Variants in UNC13B observed in about 807,000 individuals in gnomAD.
UNC13B encodes the protein protein unc-13 homolog B.
A neutral mutation model predicts 211.0 loss-of-function variants in UNC13B; 144 were observed. The ratio of observed to expected loss-of-function variants is 0.68; its 90% confidence interval spans 0.60 to 0.78. UNC13B has a LOEUF of 0.78. UNC13B is among the 30% of genes least tolerant of loss of function. UNC13B has a pLI of 0.00. For missense variants in UNC13B, 1,777 were observed against 2,002.0 expected (o/e 0.89, Z 2.14); for synonymous variants, 709 against 725.8 (o/e 0.98, Z 0.37).
chr9:35,398,592 G>A lies in UNC13B; in HGVS notation c.11871G>A (p.Gln3957=), dbSNP rs764864737. 4 of 1,614,088 alleles carry A rather than the reference G, an allele frequency of 2.5e-6. No homozygotes were observed. In the East Asian group the frequency reaches 8.9e-5, roughly 36 times the overall value. ...CTGCAGACAGTCTGAAGGAGCTGCA[G>A]GTGAAACTGAATACGGTTCTGGATG... The part of the protein sequence containing the change: ...LEAADSLKEL[Q]VKLNTVLDEL... Residue 3957 remains glutamine (Q), a synonymous_variant, in exon 32 of 40, where the codon CAG becomes CAA. Transcript: ENST00000635942.
intron 7 of UNC13B, among the ~76,000 whole-genome samples, chr9:35,278,163 CTTG>C (rs1223529020): frequency 1.4e-4 from 21 of 152,278 alleles, no homozygotes; most frequent in Admixed American, 5.2e-4. Context: ...AATGAATCCT[CTTG>C]TTGTTGTTGG....
chr9:35,292,604 T>C (rs994113309), intron 7 of UNC13B, among the ~76,000 whole-genome samples: 1 of 152,258 alleles, frequency 6.6e-6, no homozygotes, highest in African/African-American at 2.4e-5. Flanking sequence ...TGGTTTGTAC[T>C]AACTGCCTTG....
chr9:35,391,625 G>C (rs990432945), intron 26 of UNC13B, among the ~76,000 whole-genome samples: 3 of 152,246 alleles, frequency 2.0e-5, no homozygotes, highest in Non-Finnish European at 4.4e-5. Flanking sequence ...GCTGCCTGCT[G>C]TCAGGCCAGG....
intron 1 of UNC13B, among the ~76,000 whole-genome samples, chr9:35,168,011 T>G (rs989657950): frequency 4.0e-5 from 6 of 151,844 alleles, no homozygotes; most frequent in African/African-American, 1.5e-4. Context: ...CTCAAACTCC[T>G]GGGCTCAATC....
At chr9:35,266,989 A>G (rs1827616173) in intron 7 of UNC13B, among the ~76,000 whole-genome samples, 1 of 152,208 alleles carries the variant, frequency 6.6e-6, no homozygotes, top group South Asian at 2.1e-4. Context: ...GAGAGGGAGC[A>G]GAGTTTCACC....
intron 7 of UNC13B, 79 bp downstream of exon 7, chr9:35,259,129 G>T (rs908184718): frequency 3.4e-6 from 5 of 1,467,130 alleles, no homozygotes; most frequent in Non-Finnish European, 4.7e-6. Flanking sequence ...ATTCTGAGCT[G>T]GGGAGGGTGG....
chr9:35,305,561 G>A lies in UNC13B; in HGVS notation c.6157G>A (p.Asp2053Asn), dbSNP rs1049113724. ...VRRLNKQTTI[D>N]DSRLEESTRG... Reference sequence around the variant, plus strand: ...AAGACTGAACAAACAGACTACTATCGATGACAGTAGGTTAGAGGAATCAAC... The same window carrying A: ...AAGACTGAACAAACAGACTACTATCAATGACAGTAGGTTAGAGGAATCAAC... The change falls in exon 9 of 40, where the codon GAT (aspartate) becomes AAT (asparagine). Residue 2053 changes from aspartate (D) to asparagine (N), a missense_variant. Coordinates refer to ENST00000635942, the MANE Select transcript of UNC13B (RefSeq NM_001371189.2). 1.8e-5 allele frequency: 7 copies of A among 398,800 alleles called. No individual in the cohort carries two copies. The highest frequency in any genetic ancestry group is 7.1e-5 in the East Asian group (2 of 28,080). 24.7% of individuals were successfully genotyped at this position (398,800 alleles called of 1,614,324 possible).
intron 1 of UNC13B, among the ~76,000 whole-genome samples, chr9:35,191,183 C>T (rs1822640374): frequency 6.6e-6 from 1 of 152,176 alleles, no homozygotes; most frequent in Non-Finnish European, 1.5e-5. Flanking sequence ...TGGTCTCAAA[C>T]TCCTGACCTC....
intron 1 of UNC13B, among the ~76,000 whole-genome samples, chr9:35,168,024 T>C (rs1821136774): frequency 6.6e-6 from 1 of 151,690 alleles, no homozygotes; most frequent in Admixed American, 6.6e-5. Context: ...GCTCAATCTG[T>C]CCTCCCATCT....
chr9:35,180,788 C>T lies in UNC13B; in HGVS notation c.22+18483C>T, dbSNP rs969837759. On this transcript the variant is annotated intron_variant, in intron 1 of 39. Transcript: ENST00000635942. Reference sequence around the variant, plus strand: ...TGAAATCAATTAAGTGGGTGACCAGCGTTAGGGGAAAAAGATACAGAGTTT... The same window carrying T: ...TGAAATCAATTAAGTGGGTGACCAGTGTTAGGGGAAAAAGATACAGAGTTT... 7.2e-5 allele frequency among the ~76,000 whole-genome samples: 11 copies of T among 152,032 alleles called. No individual in the cohort carries two copies. In the Middle Eastern group the frequency reaches 0.017, roughly 235 times the overall value.
At position 35,217,549 on chromosome 9, in the gene UNC13B, C is replaced by T. The variant is rs149184163; in HGVS notation, c.23-10466C>T. On this transcript the variant is annotated intron_variant, in intron 1 of 39. Transcript: ENST00000635942. The stretch of plus-strand genomic sequence containing the variant: ...GACTACAGGGGCGTGCCACCACGTC[C>T]GGCTAATTTTTTTGTATTTTTAGTA... 2.8e-3 allele frequency among the ~76,000 whole-genome samples: 423 copies of T among 152,076 alleles called. 3 individuals are homozygous for T. The East Asian group carries it at 0.03, about 11-fold the overall frequency.
At chr9:35,181,883 C>T (rs577444242) in intron 1 of UNC13B, among the ~76,000 whole-genome samples, 8 of 151,932 alleles carry the variant, frequency 5.3e-5, no homozygotes, top group Non-Finnish European at 1.0e-4. Context: ...ATAGATCTGC[C>T]CACCAAACTA....
At chr9:35,269,072 A>T (rs1827733865) in intron 7 of UNC13B, among the ~76,000 whole-genome samples, 1 of 152,186 alleles carries the variant, frequency 6.6e-6, no homozygotes, top group South Asian at 2.1e-4. Context: ...GACACTAGAG[A>T]TGTGGAGTTA....
chr9:35,231,273 A>G lies in UNC13B; in HGVS notation c.152+54A>G, dbSNP rs1360642507. On this transcript the variant is annotated intron_variant, in intron 3 of 39. Transcript: ENST00000635942. ...ACATATTTTATAATCTTTTTAAGGG[A>G]ATTGCATTGGATGAAACAATTAGAA... The G allele has an allele frequency of 1.8e-5, 21 of 1,154,664 alleles. 1 individual carries two copies. The allele number at this position is 1,154,664 out of a possible 1,614,324, so 71.5% of individuals were successfully genotyped here.
At chr9:35,173,546 C>T (rs577006327) in intron 1 of UNC13B, among the ~76,000 whole-genome samples, 9 of 151,902 alleles carry the variant, frequency 5.9e-5, no homozygotes, top group East Asian at 5.8e-4. Flanking sequence ...GCCTCAGCCT[C>T]GCGAGTAGTT....
At chr9:35,349,776 G>A (rs949590951) in intron 11 of UNC13B, among the ~76,000 whole-genome samples, 7 of 152,130 alleles carry the variant, frequency 4.6e-5, no homozygotes, top group South Asian at 2.1e-4. Flanking sequence ...CCTCTGACTC[G>A]TCCTTCTGGT....
At chr9:35,212,087 G>A (rs1192868620) in intron 1 of UNC13B, among the ~76,000 whole-genome samples, 1 of 152,176 alleles carries the variant, frequency 6.6e-6, no homozygotes, top group Non-Finnish European at 1.5e-5. Context: ...GTATACTTTG[G>A]ATAAAAATAT....
chr9:35,354,305 C>G (rs577047755), intron 11 of UNC13B, among the ~76,000 whole-genome samples: 1 of 152,210 alleles, frequency 6.6e-6, no homozygotes, highest in East Asian at 1.9e-4. Context: ...TGCCATTTCC[C>G]CAGTAGCTGA....
intron 8 of UNC13B, among the ~76,000 whole-genome samples, chr9:35,299,259 AT>A (rs1199760222): frequency 8.4e-5 from 11 of 131,140 alleles, no homozygotes; most frequent in Non-Finnish European, 1.6e-4. Context: ...GCCTTAAATA[AT>A]TTGTTATTTT....
Sources: gnomAD v4.1 joint callset for allele counts (sites outside exome capture counted in the v4.1 genomes callset) on GRCh38, gnomAD v4.1.1 for gene constraint, MANE v1.5 for transcripts, NCBI Gene and HGNC (gene_info 2026-07-23, HGNC 2026-07-21) for gene names.